SCD5: variants seen among roughly 807,000 people sequenced by gnomAD.
SCD5 encodes the protein acyl-CoA-desaturase 4.
A neutral mutation model predicts 30.4 loss-of-function variants in SCD5; 20 were observed. That is an observed-to-expected ratio of 0.66 (90% confidence interval 0.46 to 0.96). The LOEUF is 0.96. Among genes scored for constraint, SCD5 ranks in the 40% least tolerant of loss-of-function variants. The pLI is 0.00. For missense variants in SCD5, 381 were observed against 443.3 expected (o/e 0.86, Z 1.26); for synonymous variants, 173 against 176.4 (o/e 0.98, Z 0.16).
At chr4:82,776,364 G>C (rs1221139771) in intron 1 of SCD5, among the ~76,000 whole-genome samples, 1 of 152,144 alleles carries the variant, frequency 6.6e-6, no homozygotes, top group African/African-American at 2.4e-5. Flanking sequence ...GATCATTTCG[G>C]CATCTGTGAA....
intron 2 of SCD5, among the ~76,000 whole-genome samples, chr4:82,695,940 T>C (rs921283199): frequency 2.0e-5 from 3 of 152,214 alleles, no homozygotes; most frequent in Non-Finnish European, 2.9e-5. Flanking sequence ...TAACTCCACA[T>C]TGTCTTTTTA....
chr4:82,722,584 T>C (rs1457050793), intron 1 of SCD5, among the ~76,000 whole-genome samples: 1 of 151,794 alleles, frequency 6.6e-6, no homozygotes, highest in Non-Finnish European at 1.5e-5. Context: ...GCCAACGTGG[T>C]GAAACACTAG....
At chr4:82,654,174 C>G (rs1727821400) in intron 3 of SCD5, among the ~76,000 whole-genome samples, 1 of 152,188 alleles carries the variant, frequency 6.6e-6, no homozygotes, top group South Asian at 2.1e-4. Flanking sequence ...ACCTCGGCCT[C>G]CCAAAGTGAA....
intron 4 of SCD5, among the ~76,000 whole-genome samples, chr4:82,635,178 T>C (rs2148811335): frequency 6.6e-6 from 1 of 152,334 alleles, no homozygotes; most frequent in East Asian, 1.9e-4. Context: ...TAATATTTCT[T>C]AATCACCTTG....
At chr4:82,717,120 G>GGT in intron 1 of SCD5, among the ~76,000 whole-genome samples, 1 of 151,720 alleles carries the variant, frequency 6.6e-6, no homozygotes, top group South Asian at 2.1e-4. Flanking sequence ...CATACTGAAG[G>GGT]ATCACTGTAT....
intron 3 of SCD5, among the ~76,000 whole-genome samples, chr4:82,642,654 G>C (rs1727568438): frequency 6.6e-6 from 1 of 152,196 alleles, no homozygotes; most frequent in South Asian, 2.1e-4. Context: ...TCATCTCTCA[G>C]TATTCACACG....
At chr4:82,648,029 T>C (rs1727667044) in intron 3 of SCD5, among the ~76,000 whole-genome samples, 2 of 152,242 alleles carry the variant, frequency 1.3e-5, no homozygotes, top group Admixed American at 1.3e-4. Flanking sequence ...TATGTGCTAT[T>C]ATTTTATAAA....
intron 1 of SCD5, among the ~76,000 whole-genome samples, chr4:82,714,428 T>A (rs11734609): frequency 6.6e-6 from 1 of 152,016 alleles, no homozygotes; most frequent in South Asian, 2.1e-4. Flanking sequence ...TAGGTAAACA[T>A]TGAACAAATC....
rs987516465 is a variant in SCD5 at position 82,750,314 on chromosome 4, G to A, written c.233-44901C>T. ...CCTCTGTGTTTAAAGTAGCTGAGTC[G>A]ACAGACTGAGAACAAGGAGGAGCTA... On this transcript the variant is annotated intron_variant, in intron 1 of 4. Transcript: ENST00000319540. Among the ~76,000 whole-genome samples the A allele has an allele frequency of 2.0e-5, 3 of 152,124 alleles. No homozygotes were observed. The South Asian group carries it at 6.2e-4, about 32-fold the overall frequency.
intron 1 of SCD5, among the ~76,000 whole-genome samples, chr4:82,757,379 A>C (rs973100932): frequency 1.3e-5 from 2 of 151,994 alleles, no homozygotes; most frequent in Non-Finnish European, 1.5e-5. Context: ...CACTCACCCA[A>C]ACACAATGAG....
At chr4:82,700,314 G>A (rs779331118) in intron 2 of SCD5, among the ~76,000 whole-genome samples, 3 of 152,056 alleles carry the variant, frequency 2.0e-5, no homozygotes, top group Non-Finnish European at 4.4e-5. Flanking sequence ...AGGACACTCA[G>A]AAAACTCCAA....
At chr4:82,704,010 TC>T (rs1277983308) in intron 2 of SCD5, among the ~76,000 whole-genome samples, 1 of 152,226 alleles carries the variant, frequency 6.6e-6, no homozygotes, top group Non-Finnish European at 1.5e-5. Flanking sequence ...ATAGCTTATT[TC>T]CTAGGACCTC....
intron 1 of SCD5, among the ~76,000 whole-genome samples, chr4:82,742,091 A>G (rs998888750): frequency 2.6e-5 from 4 of 152,032 alleles, no homozygotes; most frequent in Admixed American, 6.5e-5. Context: ...AAAAAAAAAA[A>G]AAAGAAAGAT....
At chr4:82,694,117 T>G (rs941492650) in intron 2 of SCD5, among the ~76,000 whole-genome samples, 1 of 152,248 alleles carries the variant, frequency 6.6e-6, no homozygotes, top group Non-Finnish European at 1.5e-5. Context: ...CACCGTCCTC[T>G]GTACACTGTC....
chr4:82,744,938 G>A (rs1372082757), intron 1 of SCD5, among the ~76,000 whole-genome samples: 1 of 152,096 alleles, frequency 6.6e-6, no homozygotes, highest in Non-Finnish European at 1.5e-5. Flanking sequence ...AGGTGGGAAA[G>A]TAACATCATT....
rs986417522 is a variant in SCD5, at chr4:82,736,138, A to C, written c.233-30725T>G. ...CCATCTCTACAAAAAGTATTAAAAA[A>C]TTAGCAGGGTGTGGTGGCATGTGCC... On this transcript the variant is annotated intron_variant, in intron 1 of 4. Coordinates refer to ENST00000319540, the MANE Select transcript of SCD5 (RefSeq NM_001037582.3). Among the ~76,000 whole-genome samples, 11 of 151,998 alleles carry C rather than the reference A, an allele frequency of 7.2e-5. 1 individual carries two copies. Among genetic ancestry groups the C allele is most frequent in the South Asian group, 6.2e-4 (3 of 4,806 alleles).
At chr4:82,692,670 C>G (rs909680740) in intron 2 of SCD5, among the ~76,000 whole-genome samples, 2 of 152,208 alleles carry the variant, frequency 1.3e-5, no homozygotes, top group African/African-American at 4.8e-5. Flanking sequence ...ATTTCACACT[C>G]AAGGGCTGGG....
At chr4:82,744,589 T>C (rs1720945902) in intron 1 of SCD5, among the ~76,000 whole-genome samples, 1 of 152,176 alleles carries the variant, frequency 6.6e-6, no homozygotes, top group South Asian at 2.1e-4. Context: ...GACTGAAATC[T>C]GTAGGTGAGT....
intron 1 of SCD5, among the ~76,000 whole-genome samples, chr4:82,773,925 C>T (rs1721683007): frequency 6.6e-6 from 1 of 151,876 alleles, no homozygotes; most frequent in Non-Finnish European, 1.5e-5. Flanking sequence ...CCTCGTCTTA[C>T]TAAAAATACA....
Sources: allele counts gnomAD v4.1 joint callset (sites outside exome capture counted in the v4.1 genomes callset), GRCh38; gene constraint gnomAD v4.1.1; transcripts MANE v1.5; gene names NCBI Gene and HGNC (gene_info 2026-07-23, HGNC 2026-07-21).